Variants in SESN1 observed in about 807,000 individuals in gnomAD.
SESN1 encodes sestrin 1, also known as sestrin-1.
In SESN1, 30 loss-of-function variants were observed where a neutral mutation model predicts 59.3. That is an observed-to-expected ratio of 0.51 (90% confidence interval 0.38 to 0.69). SESN1 has a LOEUF of 0.69. Ranked by LOEUF, SESN1 falls within the 30% of genes least tolerant of loss-of-function variation. The pLI, the probability that SESN1 is intolerant of heterozygous loss-of-function variation, is 0.00. For missense variants in SESN1, 566 were observed against 673.0 expected, an observed-to-expected ratio of 0.84 and a Z score of 1.76; for synonymous variants, 197 against 219.9, an observed-to-expected ratio of 0.90 and a Z score of 0.92.
intron 1 of SESN1, among the ~76,000 whole-genome samples, chr6:109,039,498 A>C (rs1032640808): frequency 6.6e-6 from 1 of 152,232 alleles, no homozygotes; most frequent in East Asian, 1.9e-4. Flanking sequence ...CAAGAACATC[A>C]AATCTGCAAA....
At chr6:109,075,647 T>C (rs1223918742) in intron 1 of SESN1, among the ~76,000 whole-genome samples, 5 of 152,168 alleles carry the variant, frequency 3.3e-5, no homozygotes, top group African/African-American at 1.2e-4. Context: ...TCTTCCCAAT[T>C]TGAGCCTTCA....
intron 5 of SESN1, among the ~76,000 whole-genome samples, chr6:108,997,269 G>A (rs1472588069): frequency 6.6e-6 from 1 of 152,146 alleles, no homozygotes; most frequent in African/African-American, 2.4e-5. Context: ...AAACAATCAA[G>A]TACTTTTTTC....
At position 109,090,594 on chromosome 6, in the gene SESN1, CCATT is replaced by C. The variant is rs1259356375; in HGVS notation, c.279+3197_279+3200del. ...TCATAATGAAGAGATCATATATTTA[CCATT>C]CATTAAGTGGACGTGGATAATCATG... On this transcript the variant is annotated intron_variant, in intron 1 of 9. Transcript: ENST00000436639. 3.3e-5 allele frequency: 5 copies of C among 152,042 alleles called. No individual in the cohort carries two copies. The East Asian group carries it at 5.8e-4, about 18-fold the overall frequency. The allele number at this position is 152,042 out of a possible 1,614,324, so 9.4% of individuals were successfully genotyped here.
intron 1 of SESN1, among the ~76,000 whole-genome samples, chr6:109,020,084 CA>C (rs1236364678): frequency 6.6e-6 from 1 of 152,150 alleles, no homozygotes; most frequent in Non-Finnish European, 1.5e-5. Context: ...TCCCTAAGAA[CA>C]AAAACACAAA....
chr6:109,007,649 A>G (rs1414518870), intron 1 of SESN1, among the ~76,000 whole-genome samples: 1 of 152,172 alleles, frequency 6.6e-6, no homozygotes, highest in Non-Finnish European at 1.5e-5. Context: ...GCCTTTCGAC[A>G]TTCAAAAAAT....
intron 5 of SESN1, 95 bp downstream of exon 5, chr6:108,998,418 C>G (rs1309281406): frequency 1.0e-5 from 15 of 1,464,512 alleles, no homozygotes; most frequent in Non-Finnish European, 1.2e-5. Context: ...ACAGTCTTAA[C>G]AGGGTGGGTT....
intron 1 of SESN1, among the ~76,000 whole-genome samples, chr6:109,040,913 A>G (rs1780330122): frequency 6.6e-6 from 1 of 151,974 alleles, no homozygotes; most frequent in Admixed American, 6.6e-5. Flanking sequence ...CAGCCTCCCA[A>G]AGTGCTGGGA....
chr6:109,076,778 A>G (rs1247784105), intron 1 of SESN1, among the ~76,000 whole-genome samples: 1 of 152,208 alleles, frequency 6.6e-6, no homozygotes, highest in Non-Finnish European at 1.5e-5. Context: ...TATTACAGTA[A>G]AATTTATTTG....
At chr6:109,075,747 T>C (rs1781021505) in intron 1 of SESN1, among the ~76,000 whole-genome samples, 1 of 152,234 alleles carries the variant, frequency 6.6e-6, no homozygotes, top group South Asian at 2.1e-4. Flanking sequence ...AGCAGATTCC[T>C]AATTCACAGA....
intron 1 of SESN1, among the ~76,000 whole-genome samples, chr6:109,082,620 A>T (rs1277320263): frequency 6.6e-6 from 1 of 152,202 alleles, no homozygotes; most frequent in African/African-American, 2.4e-5. Context: ...TGCTGGTGCC[A>T]TGCTGGCATA....
At chr6:109,084,310 T>C (rs748420391) in intron 1 of SESN1, among the ~76,000 whole-genome samples, 19 of 152,110 alleles carry the variant, frequency 1.2e-4, no homozygotes, top group Admixed American at 3.3e-4. Flanking sequence ...CCTGTAATCC[T>C]AGCACTTTGG....
At chr6:109,061,728 C>T (rs1780737619) in intron 1 of SESN1, among the ~76,000 whole-genome samples, 1 of 151,980 alleles carries the variant, frequency 6.6e-6, no homozygotes, top group Non-Finnish European at 1.5e-5. Flanking sequence ...GGCTTGAGCC[C>T]AGGAGGCAGA....
chr6:109,037,362 T>C (rs544341429), intron 1 of SESN1, among the ~76,000 whole-genome samples: 1 of 152,346 alleles, frequency 6.6e-6, no homozygotes, highest in South Asian at 2.1e-4. Flanking sequence ...GGAAACATTA[T>C]TAGGCCGTAG....
chr6:109,011,627 T>C (rs1779859115), intron 1 of SESN1, among the ~76,000 whole-genome samples: 2 of 149,440 alleles, frequency 1.3e-5, no homozygotes, highest in South Asian at 4.2e-4. Flanking sequence ...TTTAAAATTT[T>C]TTTTCTTTTT....
chr6:109,032,028 T>C (rs1268837485), intron 1 of SESN1, among the ~76,000 whole-genome samples: 1 of 152,180 alleles, frequency 6.6e-6, no homozygotes, highest in Non-Finnish European at 1.5e-5. Flanking sequence ...TAAGTACTTA[T>C]ATGTGGAATT....
intron 1 of SESN1, among the ~76,000 whole-genome samples, chr6:109,073,701 G>C (rs1780977514): frequency 6.6e-6 from 1 of 152,190 alleles, no homozygotes; most frequent in Non-Finnish European, 1.5e-5. Context: ...TTGAAAGAAA[G>C]TTATTTCTAA....
In SESN1 at chr6:109,059,799, T is replaced by C. The variant is rs1780701149; in HGVS notation, c.279+33996A>G. On this transcript the variant is annotated intron_variant, in intron 1 of 9. Coordinates refer to ENST00000436639, the MANE Select transcript of SESN1 (RefSeq NM_014454.3). ...TTGCTGCCCCTACCGGCCCTTCCAA[T>C]AACTTACAATAACATATTGTTTTAA... Among the ~76,000 whole-genome samples, 4 of 152,348 alleles carry C rather than the reference T, an allele frequency of 2.6e-5. No individual in the cohort carries two copies. In the South Asian group the frequency reaches 8.3e-4, roughly 32 times the overall value.
intron 3 of SESN1, among the ~76,000 whole-genome samples, chr6:109,000,980 A>C (rs113671820): frequency 3.3e-3 from 505 of 152,284 alleles, no homozygotes; most frequent in African/African-American, 9.8e-3. Context: ...AAAATAATGG[A>C]ATATTATTTA....
chr6:109,069,052 C>T (rs773441489), intron 1 of SESN1, among the ~76,000 whole-genome samples: 1 of 151,952 alleles, frequency 6.6e-6, no homozygotes, highest in Non-Finnish European at 1.5e-5. Context: ...TAAATGAAAG[C>T]ATCTTAAGTT....
Sources: gnomAD v4.1 joint callset for allele counts (sites outside exome capture counted in the v4.1 genomes callset) on GRCh38, gnomAD v4.1.1 for gene constraint, MANE v1.5 for transcripts, NCBI Gene and HGNC (gene_info 2026-07-23, HGNC 2026-07-21) for gene names.